Variants in NALCN observed in about 807,000 individuals in gnomAD.
NALCN encodes sodium leak channel NALCN.
NALCN carries 111 observed loss-of-function variants against 225.3 expected under a neutral mutation model. That is an observed-to-expected ratio of 0.49 (90% CI 0.42 to 0.58). The LOEUF is 0.58. Ranked by LOEUF, NALCN falls within the 20% of genes least tolerant of loss-of-function variation. NALCN has a pLI of 0.00. For synonymous variants in NALCN, 764 were observed against 769.0 expected (o/e 0.99, Z 0.11); for missense variants, 1,378 against 2,202.4 (o/e 0.63, Z 7.49).
chr13:101,294,552 T>C (rs1259086636), intron 7 of NALCN, among the ~76,000 whole-genome samples: 3 of 150,074 alleles, frequency 2.0e-5, no homozygotes, highest in African/African-American at 4.9e-5. Context: ...TGGCTAAGTT[T>C]ATTGTTTCTT....
intron 18 of NALCN, among the ~76,000 whole-genome samples, chr13:101,119,847 T>A (rs992298437): frequency 1.9e-4 from 29 of 152,280 alleles, no homozygotes; most frequent in African/African-American, 6.3e-4. Flanking sequence ...AAACAACAAC[T>A]CAGATGCCTG....
chr13:101,301,417 T>C (rs1594634230), intron 7 of NALCN, among the ~76,000 whole-genome samples: 2 of 152,234 alleles, frequency 1.3e-5, no homozygotes, highest in African/African-American at 4.8e-5. Flanking sequence ...TATTTTCCAT[T>C]AGTTGTCTTA....
At chr13:101,156,495 T>G (rs2139845611) in intron 15 of NALCN, among the ~76,000 whole-genome samples, 1 of 152,320 alleles carries the variant, frequency 6.6e-6, no homozygotes, top group South Asian at 2.1e-4. Context: ...TACCTACGTA[T>G]GTATCTTACA....
At chr13:101,302,191 A>G (rs2043997175) in intron 7 of NALCN, among the ~76,000 whole-genome samples, 2 of 152,236 alleles carry the variant, frequency 1.3e-5, no homozygotes, top group Admixed American at 1.3e-4. Flanking sequence ...TCCTATTCTG[A>G]GATATGCACA....
Position 101,104,970 on chromosome 13 carries a change from T to TA in NALCN, c.2580-21dup. The TA allele has an allele frequency of 6.2e-7, 1 of 1,608,106 alleles. No individual in the cohort carries two copies. Among genetic ancestry groups the TA allele is most frequent in the East Asian group, 2.2e-5 (1 of 44,750 alleles). On this transcript the variant is annotated intron_variant, in intron 22 of 43. Coordinates refer to ENST00000251127, the MANE Select transcript of NALCN (RefSeq NM_052867.4). The surrounding 1 kb of genome is among the most constrained non-coding windows in gnomAD (Gnocchi z 4.2). ...TTAGATCTGTAAGAGAACACATATA[T>TA]AAAATTCTGCAACAAAGCAAGCATG... is the stretch of plus-strand genomic sequence containing the variant.
Position 101,237,755 on chromosome 13 carries a change from C to A in NALCN, c.1434G>T (p.Gln478His), listed in dbSNP as rs1594502824. The A allele has an allele frequency of 6.4e-7, 1 of 1,551,476 alleles. No homozygotes were observed. Among genetic ancestry groups the A allele is most frequent in the Non-Finnish European group, 8.7e-7 (1 of 1,152,940 alleles). ...GACAAATAGGCATTATTTTTATTAC[C>A]TGAAAGTACGTGAATTGTGAATGAT... ...DLYHSQFTYFQVLRVVRLIKI... is the reference protein window; with the variant it reads ...DLYHSQFTYFHVLRVVRLIKI... The change falls in exon 12 of 44, where the codon CAG (glutamine) becomes CAT (histidine). Residue 478 changes from glutamine to histidine, a missense_variant and splice_region_variant. Around this residue, in one of 19 missense-constraint regions of NALCN, gnomAD observed 144 missense variants for 187.7 expected, o/e 0.77. Transcript: ENST00000251127.
At chr13:101,181,382 T>C (rs745720829) in intron 14 of NALCN, 1 of 510,138 alleles carries the variant, frequency 2.0e-6, no homozygotes, top group South Asian at 1.4e-5. Flanking sequence ...TTCTGCTAAA[T>C]TTTTCCTTTT....
chr13:101,358,843 A>G (rs969180737), intron 6 of NALCN, among the ~76,000 whole-genome samples: 3 of 152,222 alleles, frequency 2.0e-5, no homozygotes, highest in African/African-American at 7.2e-5. Context: ...GGACATATAC[A>G]CCATGGAATA....
chr13:101,055,761 A>G (rs1677619951), intron 43 of NALCN, among the ~76,000 whole-genome samples: 1 of 152,146 alleles, frequency 6.6e-6, no homozygotes, highest in South Asian at 2.1e-4. Flanking sequence ...CTAGAAAATC[A>G]CTAAAAAAAT....
chr13:101,068,572 AT>A (rs1251343713), intron 38 of NALCN, 122 bp downstream of exon 38: 2 of 1,071,164 alleles, frequency 1.9e-6, no homozygotes, highest in African/African-American at 3.3e-5. Flanking sequence ...AGAGACAACA[AT>A]TTATAATTAA....
intron 6 of NALCN, 136 bp downstream of exon 6, chr13:101,376,564 C>T (rs531265441): frequency 3.4e-5 from 25 of 745,918 alleles, no homozygotes; most frequent in Middle Eastern, 9.0e-4. Flanking sequence ...AAAACAATAC[C>T]GAGGAAGCAG....
chr13:101,391,961 G>T (rs1399234478), intron 3 of NALCN, among the ~76,000 whole-genome samples: 1 of 150,524 alleles, frequency 6.6e-6, no homozygotes, highest in Non-Finnish European at 1.5e-5. Flanking sequence ...TCCAGCCTGG[G>T]TGACAAGAGT....
intron 13 of NALCN, among the ~76,000 whole-genome samples, chr13:101,196,866 T>C (rs1236470377): frequency 6.6e-6 from 1 of 152,158 alleles, no homozygotes; most frequent in Non-Finnish European, 1.5e-5. Flanking sequence ...GTTCTCTGTA[T>C]GGGCGAATAG....
chr13:101,154,408 T>G (rs2037804046), intron 15 of NALCN, among the ~76,000 whole-genome samples: 1 of 152,222 alleles, frequency 6.6e-6, no homozygotes, highest in Non-Finnish European at 1.5e-5. Context: ...GGATATTTTC[T>G]CTCGTTTTCC....
intron 10 of NALCN, among the ~76,000 whole-genome samples, chr13:101,277,514 C>G (rs183516860): frequency 5.9e-5 from 9 of 152,164 alleles, no homozygotes; most frequent in Non-Finnish European, 1.0e-4. Context: ...CCTCCTGAGA[C>G]CTAGCAAGTA....
intron 6 of NALCN, among the ~76,000 whole-genome samples, chr13:101,366,778 T>C (rs1367545474): frequency 2.6e-5 from 4 of 152,224 alleles, no homozygotes; most frequent in Admixed American, 2.6e-4. Context: ...TTTGTGATGA[T>C]ACATTTGAAA....
At chr13:101,225,978 C>T (rs1259121209) in intron 13 of NALCN, among the ~76,000 whole-genome samples, 4 of 152,088 alleles carry the variant, frequency 2.6e-5, no homozygotes, top group Non-Finnish European at 4.4e-5. Flanking sequence ...CAACCCAAGA[C>T]CAAAGAACCC....
chr13:101,403,984 G>A (rs918764338), intron 1 of NALCN, among the ~76,000 whole-genome samples: 1 of 152,148 alleles, frequency 6.6e-6, no homozygotes, highest in East Asian at 1.9e-4. Context: ...TTGCATAATT[G>A]TTTTGTTTTT....
At chr13:101,301,971 T>A (rs2043989107) in intron 7 of NALCN, among the ~76,000 whole-genome samples, 1 of 152,176 alleles carries the variant, frequency 6.6e-6, no homozygotes, top group Admixed American at 6.5e-5. Context: ...ACACAAAATA[T>A]GTCATACCAG....
Sources: gnomAD v4.1 joint callset for allele counts (sites outside exome capture counted in the v4.1 genomes callset) on GRCh38, gnomAD v4.1.1 for gene constraint, gnomAD v4.1.1 regional missense constraint, Gnocchi (gnomAD v3.1) non-coding constraint, MANE v1.5 for transcripts, NCBI Gene and HGNC (gene_info 2026-07-23, HGNC 2026-07-21) for gene names.